Variants in POLR2M observed in about 807,000 individuals in gnomAD.
POLR2M encodes the protein protein GRINL1A.
POLR2M carries 30 observed loss-of-function variants against 34.6 expected under a neutral mutation model. The ratio of observed to expected loss-of-function variants is 0.87; its 90% CI spans 0.65 to 1.18. The LOEUF is 1.18. Among genes scored for constraint, POLR2M ranks in the 50% most tolerant of loss-of-function variants. The pLI is 0.00. For synonymous variants in POLR2M, 150 were observed against 166.7 expected (o/e 0.90, Z 0.77); for missense variants, 432 against 448.7 (o/e 0.96, Z 0.34).
rs1221566879 is a variant in POLR2M at position 57,715,987 on chromosome 15, G to C, written c.*1308G>C. 1 of 152,302 alleles carries C rather than the reference G, an allele frequency of 6.6e-6. No homozygotes were observed. The highest frequency in any genetic ancestry group is 6.5e-5 in the Admixed American group (1 of 15,294). The allele number at this position is 152,302 out of a possible 1,614,324, so 9.4% of individuals were successfully genotyped here. Reference sequence around the variant, plus strand: ...TTAGTTTTAGTTCTTAAAACGAATAGTAAATGATTTCACAGCGTAAAATTT... The same window carrying C: ...TTAGTTTTAGTTCTTAAAACGAATACTAAATGATTTCACAGCGTAAAATTT... On this transcript the variant is annotated 3_prime_UTR_variant, in exon 4 of 4. Transcript: ENST00000299638.
chr15:57,712,254 C>T, intron 3 of POLR2M, 66 bp downstream of exon 3: 5 of 1,570,486 alleles, frequency 3.2e-6, no homozygotes, highest in East Asian at 4.5e-5. Flanking sequence ...GAATTTACTC[C>T]AGGTTCAAGG....
Position 57,706,864 on chromosome 15 carries a change from T to A in POLR2M, c.22T>A (p.Phe8Ile). MCSLPRG[F>I]EPQAPEDLAQ... ...CAGAATGTGCTCGCTGCCCCGCGGC[T>A]TCGAGCCCCAAGCTCCCGAGGACTT... is the stretch of plus-strand genomic sequence containing the variant. The change falls in exon 1 of 4, where the codon TTC becomes ATC. Residue 8 changes from phenylalanine to isoleucine, a missense_variant. Physicochemically the swap from Phe to Ile is conservative, Grantham distance 21. Coordinates refer to ENST00000299638, the MANE Select transcript of POLR2M (RefSeq NM_015532.5). The A allele has an allele frequency of 6.3e-7, 1 of 1,580,936 alleles. No individual in the cohort carries two copies. Among genetic ancestry groups the A allele is most frequent in the Non-Finnish European group, 8.6e-7 (1 of 1,162,930 alleles).
chr15:57,710,856 A>G (rs1567267844), intron 2 of POLR2M, among the ~76,000 whole-genome samples: 3 of 152,084 alleles, frequency 2.0e-5, no homozygotes. Context: ...TCCGTGTGAG[A>G]GGTGGCTTGG....
chr15:57,707,092 C>G lies in POLR2M; in HGVS notation c.113+137C>G, dbSNP rs750343881. 7.7e-6 allele frequency: 12 copies of G among 1,549,296 alleles called. No homozygotes were observed. In the South Asian group the frequency reaches 8.3e-5, roughly 11 times the overall value. ...GTCACATTCGCTTCAGTCCTACGGG[C>G]GAGTGGACGGAGGGCTTGCTGCGGC... On this transcript the variant is annotated intron_variant, in intron 1 of 3. Coordinates refer to ENST00000299638, the MANE Select transcript of POLR2M (RefSeq NM_015532.5).
At position 57,715,936 on chromosome 15, in the gene POLR2M, A is replaced by G. The variant is rs1467587488; in HGVS notation, c.*1257A>G. 10 of 152,422 alleles carry G rather than the reference A, an allele frequency of 6.6e-5. No individual in the cohort carries two copies. The highest frequency in any genetic ancestry group is 2.1e-4 in the South Asian group (1 of 4,834). 9.4% of individuals were successfully genotyped at this position (152,422 alleles called of 1,614,324 possible). On this transcript the variant is annotated 3_prime_UTR_variant, in exon 4 of 4. Transcript: ENST00000299638. The stretch of plus-strand genomic sequence containing the variant: ...TCCTTACCCCCCTCAAGCAAATGTG[A>G]AAAGTATACTGACCTAAGATTCTCA...
Position 57,706,760 on chromosome 15 carries a change from G to T in POLR2M, c.-83G>T, listed in dbSNP as rs998796169. The stretch of plus-strand genomic sequence containing the variant: ...CTCCCGCTCGTGCCCCGGAGTCACC[G>T]CCGTCCGCGGATCCGGCGCTAGTAG... On this transcript the variant is annotated 5_prime_UTR_variant, in exon 1 of 4. Transcript: ENST00000299638. The T allele has an allele frequency of 6.8e-7, 1 of 1,478,462 alleles. No homozygotes were observed. The highest frequency in any genetic ancestry group is 1.3e-5 in the South Asian group (1 of 78,140). The allele number at this position is 1,478,462 out of a possible 1,614,324, so 91.6% of individuals were successfully genotyped here. A position where few individuals can be genotyped will look rare whatever the true frequency, so the allele number is the denominator to read the frequency against.
chr15:57,711,745 GA>G (rs11459856), intron 2 of POLR2M, among the ~76,000 whole-genome samples: 25,236 of 125,250 alleles, frequency 0.2, 2,572 homozygotes, highest in Non-Finnish European at 0.28. Flanking sequence ...TTGAATAAAT[GA>G]AAAAAAAAAA....
rs2040867055 is a variant in POLR2M, at chr15:57,714,542, C to T, written c.970C>T (p.Gln324Ter). ...TTTGCTCTTTGTTTTAAAGGAGATGCAAGCAAAGCTCGCAGCGCAAAAATT... is the reference window on the plus strand; with the variant it reads ...TTTGCTCTTTGTTTTAAAGGAGATGTAAGCAAAGCTCGCAGCGCAAAAATT... ...KQQKQNYEEM[Q>*]AKLAAQKLAE... The change falls in exon 4 of 4, where the codon CAA (glutamine) becomes TAA (stop). Residue 324 changes from glutamine (Q) to a stop codon, truncating the protein, a stop_gained. Coordinates refer to ENST00000299638, the MANE Select transcript of POLR2M (RefSeq NM_015532.5). LOFTEE classifies it high-confidence loss of function. 1.9e-6 allele frequency: 3 copies of T among 1,613,180 alleles called. No homozygotes were observed. Among genetic ancestry groups the T allele is most frequent in the Non-Finnish European group, 2.5e-6 (3 of 1,179,698 alleles).
chr15:57,714,456 AT>A, intron 3 of POLR2M, 79 bp from the exon 4 acceptor site: 2 of 1,581,986 alleles, frequency 1.3e-6, no homozygotes, highest in Non-Finnish European at 1.7e-6. Context: ...CTTATTGCTG[AT>A]TCTAGGTAAC....
At position 57,708,735 on chromosome 15, in the gene POLR2M, C is replaced by T. The variant is rs1434765615; in HGVS notation, c.135C>T (p.Pro45=). 9 of 1,587,526 alleles carry T rather than the reference C, an allele frequency of 5.7e-6. No homozygotes were observed. Among genetic ancestry groups the T allele is most frequent in the East Asian group, 4.5e-5 (2 of 44,696 alleles). The change falls in exon 2 of 4, where the codon CCC becomes CCT. Residue 45 remains proline, a synonymous_variant. Transcript: ENST00000299638. ...ACAGAAAATTCATTTGCAAATTGCC[C>T]GACAAAGGTAAAAAGATCTTTGACT... is the stretch of plus-strand genomic sequence containing the variant. ...LRNEKFICKL[P]DKGKKIFDSF...
chr15:57,712,953 G>A lies in POLR2M; in HGVS notation c.963+765G>A, dbSNP rs908057137. Among the ~76,000 whole-genome samples, 6 of 152,124 alleles carry A rather than the reference G, an allele frequency of 3.9e-5. No homozygotes were observed. The South Asian group carries it at 1.2e-3, about 32-fold the overall frequency. On this transcript the variant is annotated intron_variant, in intron 3 of 3. Coordinates refer to ENST00000299638, the MANE Select transcript of POLR2M (RefSeq NM_015532.5). The stretch of plus-strand genomic sequence containing the variant: ...GTATTGATTAGCTAGATTTTAGTCA[G>A]GTACTAGTGCACCAACTAGTATAAC...
At position 57,709,126 on chromosome 15, in the gene POLR2M, C is replaced by T. The variant is rs576353605; in HGVS notation, c.526C>T (p.Arg176Cys). The change falls in exon 2 of 4, where the codon CGT becomes TGT. Residue 176 changes from arginine to cysteine, a missense_variant. Coordinates refer to ENST00000299638, the MANE Select transcript of POLR2M (RefSeq NM_015532.5). ...SEASEHHPRHRVSSQAEDTSS... is the reference protein window; with the variant it reads ...SEASEHHPRHCVSSQAEDTSS... ...AGCTAGTGAGCATCACCCGCGGCATCGTGTTTCAAGTCAAGCGGAAGATAC... is the reference window on the plus strand; with the variant it reads ...AGCTAGTGAGCATCACCCGCGGCATTGTGTTTCAAGTCAAGCGGAAGATAC... The T allele has an allele frequency of 7.4e-6, 12 of 1,614,158 alleles. No individual in the cohort carries two copies. In the Admixed American group the frequency reaches 1.0e-4, roughly 13 times the overall value.
At chr15:57,707,255 C>A in intron 1 of POLR2M, 1 of 1,100,316 alleles carries the variant, frequency 9.1e-7, no homozygotes, top group South Asian at 1.6e-5. Context: ...CATGAGTCTG[C>A]TTTCTAAACC....
At chr15:57,709,482 G>A in intron 2 of POLR2M, 124 bp downstream of exon 2, 3 of 1,162,292 alleles carry the variant, frequency 2.6e-6, no homozygotes, top group Non-Finnish European at 3.6e-6. Flanking sequence ...GCTGAGGTGG[G>A]AAGACAGCTT....
intron 2 of POLR2M, 44 bp from the exon 3 acceptor site, chr15:57,711,940 A>G (rs768740398): frequency 2.5e-6 from 4 of 1,606,876 alleles, no homozygotes; most frequent in Admixed American, 3.4e-5. Flanking sequence ...TGTGTCTACA[A>G]ATAAAATAAT....
intron 3 of POLR2M, among the ~76,000 whole-genome samples, chr15:57,712,409 C>G (rs537199584): frequency 1.3e-5 from 2 of 152,224 alleles, no homozygotes; most frequent in South Asian, 2.1e-4. Flanking sequence ...TGGTGATTTG[C>G]CTGGAGATGT....
chr15:57,710,983 T>A (rs1476427003), intron 2 of POLR2M, among the ~76,000 whole-genome samples: 1 of 152,176 alleles, frequency 6.6e-6, no homozygotes, highest in African/African-American at 2.4e-5. Flanking sequence ...TGCACCTCTA[T>A]CCCAGATCTT....
At chr15:57,711,143 G>A (rs1019639251) in intron 2 of POLR2M, among the ~76,000 whole-genome samples, 4 of 152,028 alleles carry the variant, frequency 2.6e-5, no homozygotes, top group Non-Finnish European at 5.9e-5. Context: ...CCACCTTCTC[G>A]GTTTTCTTCC....
chr15:57,706,761 C>T lies in POLR2M; in HGVS notation c.-82C>T. 2 of 1,480,098 alleles carry T rather than the reference C, an allele frequency of 1.4e-6. No homozygotes were observed. The highest frequency in any genetic ancestry group is 9.1e-7 in the Non-Finnish European group (1 of 1,096,126). The allele number at this position is 1,480,098 out of a possible 1,614,324, so 91.7% of individuals were successfully genotyped here. A position where few individuals can be genotyped will look rare whatever the true frequency, so the allele number is the denominator to read the frequency against. On this transcript the variant is annotated 5_prime_UTR_variant, in exon 1 of 4. Transcript: ENST00000299638. ...TCCCGCTCGTGCCCCGGAGTCACCG[C>T]CGTCCGCGGATCCGGCGCTAGTAGC...
Sources: gnomAD v4.1 joint callset for allele counts (sites outside exome capture counted in the v4.1 genomes callset) on GRCh38, gnomAD v4.1.1 for gene constraint, MANE v1.5 for transcripts, NCBI Gene and HGNC (gene_info 2026-07-23, HGNC 2026-07-21) for gene names.